PAG1: variants seen among roughly 807,000 people sequenced by gnomAD.
PAG1 encodes the protein phosphoprotein membrane anchor with glycosphingolipid microdomains 1.
A neutral mutation model predicts 31.7 loss-of-function variants in PAG1; 23 were observed. The observed-to-expected ratio is 0.73, with a 90% CI of 0.52 to 1.03. PAG1 has a LOEUF of 1.03. Ranked by LOEUF, PAG1 falls within the 50% of genes least tolerant of loss-of-function variation. PAG1 has a pLI of 0.00. For missense variants in PAG1, 473 were observed against 540.7 expected, an observed-to-expected ratio of 0.87 and a Z score of 1.24; for synonymous variants, 214 against 210.3, an observed-to-expected ratio of 1.02 and a Z score of -0.15.
chr8:81,085,049 G>C (rs193255713), intron 1 of PAG1, among the ~76,000 whole-genome samples: 1 of 152,152 alleles, frequency 6.6e-6, no homozygotes, highest in Non-Finnish European at 1.5e-5. Context: ...ATTGATGAAC[G>C]CACTTTAAAA....
At chr8:81,103,688 G>A (rs1586221900) in intron 1 of PAG1, among the ~76,000 whole-genome samples, 3 of 152,168 alleles carry the variant, frequency 2.0e-5, no homozygotes, top group Admixed American at 6.5e-5. Flanking sequence ...TGAGCCGAAA[G>A]TCTCATTAAT....
At chr8:81,057,695 C>A (rs1808850203) in intron 2 of PAG1, among the ~76,000 whole-genome samples, 1 of 152,164 alleles carries the variant, frequency 6.6e-6, no homozygotes, top group Non-Finnish European at 1.5e-5. Flanking sequence ...TGCACATGTA[C>A]CCTAGGACTT....
chr8:81,026,653 C>T (rs903445457), intron 3 of PAG1, among the ~76,000 whole-genome samples: 2 of 151,918 alleles, frequency 1.3e-5, no homozygotes, highest in African/African-American at 4.8e-5. Context: ...CAGTGGTTAC[C>T]GGAAATTCCG....
At chr8:81,101,147 A>T (rs1373608896) in intron 1 of PAG1, among the ~76,000 whole-genome samples, 1 of 152,208 alleles carries the variant, frequency 6.6e-6, no homozygotes, top group Non-Finnish European at 1.5e-5. Context: ...ATTTTTCTCA[A>T]TGACCACAGT....
intron 8 of PAG1, among the ~76,000 whole-genome samples, chr8:80,977,867 A>G (rs1377592710): frequency 6.6e-6 from 1 of 152,250 alleles, no homozygotes; most frequent in African/African-American, 2.4e-5. Context: ...ACGGTTGGAA[A>G]TAAGTAAAAA....
At chr8:81,110,917 T>C (rs754406586) in intron 1 of PAG1, among the ~76,000 whole-genome samples, 1 of 152,200 alleles carries the variant, frequency 6.6e-6, no homozygotes, top group Admixed American at 6.5e-5. Flanking sequence ...AGAGATAAAG[T>C]TATCCAGCCG....
At chr8:81,032,168 T>C (rs1010908909) in intron 2 of PAG1, among the ~76,000 whole-genome samples, 1 of 152,162 alleles carries the variant, frequency 6.6e-6, no homozygotes. Context: ...GGCAGAGGCA[T>C]GTGACCCCAA....
intron 1 of PAG1, among the ~76,000 whole-genome samples, chr8:81,073,771 T>G (rs1020605634): frequency 6.6e-6 from 1 of 152,212 alleles, no homozygotes; most frequent in South Asian, 2.1e-4. Flanking sequence ...TCTAGCAGCA[T>G]AGCTGTGACA....
chr8:80,970,553 G>A lies in PAG1; in HGVS notation c.*5991C>T, dbSNP rs1807055890. On this transcript the variant is annotated 3_prime_UTR_variant, in exon 9 of 9. Coordinates refer to ENST00000220597, the MANE Select transcript of PAG1 (RefSeq NM_018440.4). ...TGGACAGTGGGGGTTGCTGCTTGAG[G>A]AGACTCAGGCCAGATACAGATCACT... 6.5e-6 allele frequency: 1 copy of A among 152,720 alleles called. No homozygotes were observed. The highest frequency in any genetic ancestry group is 1.5e-5 in the Non-Finnish European group (1 of 68,112). The allele number at this position is 152,720 out of a possible 1,614,324, so 9.5% of individuals were successfully genotyped here.
intron 3 of PAG1, among the ~76,000 whole-genome samples, chr8:81,012,019 G>C (rs901958566): frequency 6.6e-6 from 1 of 152,144 alleles, no homozygotes; most frequent in Non-Finnish European, 1.5e-5. Context: ...TTTGGCATAG[G>C]GTCCTCAGTC....
At chr8:81,076,429 G>T (rs565918818) in intron 1 of PAG1, among the ~76,000 whole-genome samples, 1 of 152,310 alleles carries the variant, frequency 6.6e-6, no homozygotes, top group South Asian at 2.1e-4. Flanking sequence ...AATTTAATAA[G>T]CCTATGTACA....
At chr8:80,993,055 A>C in intron 4 of PAG1, 48 bp downstream of exon 4, 1 of 1,533,404 alleles carries the variant, frequency 6.5e-7, no homozygotes, top group Non-Finnish European at 8.9e-7. Context: ...TTCTGGGTAC[A>C]GGGGATGTAT....
intron 1 of PAG1, among the ~76,000 whole-genome samples, chr8:81,102,666 T>C (rs2131116836): frequency 6.6e-6 from 1 of 152,310 alleles, no homozygotes; most frequent in South Asian, 2.1e-4. Context: ...ACAGCTAATA[T>C]CTGCTTCAAT....
chr8:81,053,142 T>A (rs949490531), intron 2 of PAG1, among the ~76,000 whole-genome samples: 1 of 152,256 alleles, frequency 6.6e-6, no homozygotes, highest in African/African-American at 2.4e-5. Flanking sequence ...AACATGAATG[T>A]ATTATCTGAA....
intron 2 of PAG1, among the ~76,000 whole-genome samples, chr8:81,042,652 G>T (rs67470260): frequency 2.6e-5 from 4 of 151,874 alleles, no homozygotes; most frequent in African/African-American, 9.7e-5. Context: ...AAGAGAAAGG[G>T]GGGTGAGGAA....
At chr8:80,992,463 A>G (rs571990517) in intron 4 of PAG1, among the ~76,000 whole-genome samples, 127 of 152,338 alleles carry the variant, frequency 8.3e-4, no homozygotes, top group Non-Finnish European at 1.5e-3. Context: ...TGTGCTTTGT[A>G]ACAGTTCCAG....
chr8:81,037,718 T>C (rs1808483982), intron 2 of PAG1, among the ~76,000 whole-genome samples: 1 of 152,240 alleles, frequency 6.6e-6, no homozygotes, highest in Admixed American at 6.5e-5. Context: ...ACATCTTCTT[T>C]TAGGCAATGT....
chr8:80,999,888 AAGAG>A, intron 3 of PAG1, among the ~76,000 whole-genome samples: 1 of 152,058 alleles, frequency 6.6e-6, no homozygotes, highest in Admixed American at 6.6e-5. Context: ...TTTAATGGTG[AAGAG>A]AGAGAGACAG....
rs145737808 is a variant in PAG1 at position 80,984,904 on chromosome 8, A to T, written c.748T>A (p.Cys250Ser). ...GGTGGGGCCTCCTCTTCTGGATCAC[A>T]TGAATTTCCAAGGATACTCTCTACA... ...VNVESILGNS[C>S]DPEEEAPPPV... Residue 250 changes from cysteine (C) to serine (S), a missense_variant, in exon 7 of 9, where the codon TGT (cysteine) becomes AGT (serine). Transcript: ENST00000220597. The T allele has an allele frequency of 8.7e-6, 14 of 1,614,178 alleles. No individual in the cohort carries two copies. The highest frequency in any genetic ancestry group is 1.2e-5 in the Non-Finnish European group (14 of 1,180,030).
Sources: allele counts gnomAD v4.1 joint callset (sites outside exome capture counted in the v4.1 genomes callset), GRCh38; gene constraint gnomAD v4.1.1; transcripts MANE v1.5; gene names NCBI Gene and HGNC (gene_info 2026-07-23, HGNC 2026-07-21).